The following SLC4A4 variants were observed in gnomAD, a reference collection of about 807,000 sequenced individuals.
The protein encoded by SLC4A4 is solute carrier family 4 member 4, also known as electrogenic sodium bicarbonate cotransporter 1.
A neutral mutation model predicts 111.5 loss-of-function variants in SLC4A4; 27 were observed. The ratio of observed to expected loss-of-function variants is 0.24; its 90% confidence interval spans 0.18 to 0.33. SLC4A4 has a LOEUF of 0.33. Among genes scored for constraint, SLC4A4 ranks in the 10% least tolerant of loss-of-function variants. SLC4A4 has a pLI of 1.00. For synonymous variants in SLC4A4, 443 were observed against 463.4 expected, an observed-to-expected ratio of 0.96 and a Z score of 0.57; for missense variants, 909 against 1,315.5, an observed-to-expected ratio of 0.69 and a Z score of 4.78.
intron 13 of SLC4A4, among the ~76,000 whole-genome samples, chr4:71,468,832 G>C (rs1382899663): frequency 6.6e-6 from 1 of 151,552 alleles, no homozygotes; most frequent in Admixed American, 6.6e-5. Context: ...GCATGCAAGT[G>C]ATCTGAAAAA....
At chr4:71,462,870 A>G (rs1296671828) in intron 12 of SLC4A4, among the ~76,000 whole-genome samples, 1 of 152,178 alleles carries the variant, frequency 6.6e-6, no homozygotes. Context: ...GCTTAAAGTC[A>G]TTGATCCAGG....
At chr4:71,145,647 G>T (rs867855131) in intron 2 of SLC4A4, among the ~76,000 whole-genome samples, 3 of 152,144 alleles carry the variant, frequency 2.0e-5, no homozygotes, top group Admixed American at 1.3e-4. Flanking sequence ...TGTATTCAGA[G>T]ATTCAACTTC....
intron 1 of SLC4A4, among the ~76,000 whole-genome samples, chr4:71,190,649 G>A (rs1317082608): frequency 1.3e-5 from 2 of 152,126 alleles, no homozygotes; most frequent in Non-Finnish European, 2.9e-5. Flanking sequence ...ATAGGAGTTC[G>A]AGGCTGTCAT....
chr4:71,495,446 A>G (rs1173887786), intron 15 of SLC4A4, among the ~76,000 whole-genome samples: 6 of 152,138 alleles, frequency 3.9e-5, no homozygotes, highest in Non-Finnish European at 7.4e-5. Flanking sequence ...AACCTCAAAA[A>G]CAAAATGAGA....
At chr4:71,332,657 C>T (rs1281766140) in intron 3 of SLC4A4, among the ~76,000 whole-genome samples, 2 of 152,040 alleles carry the variant, frequency 1.3e-5, no homozygotes, top group South Asian at 2.1e-4. Flanking sequence ...TGGTCTCGAT[C>T]TCCTGACCTC....
At chr4:71,378,208 T>A (rs1396314524) in intron 6 of SLC4A4, among the ~76,000 whole-genome samples, 1 of 152,196 alleles carries the variant, frequency 6.6e-6, no homozygotes, top group African/African-American at 2.4e-5. Context: ...AGAATGATTA[T>A]GCTACCATGT....
chr4:71,074,503 A>T (rs1182286155), intron 1 of SLC4A4, among the ~76,000 whole-genome samples: 1 of 152,232 alleles, frequency 6.6e-6, no homozygotes, highest in Non-Finnish European at 1.5e-5. Context: ...AATTAAACAC[A>T]GCAAGGTCTT....
At chr4:71,070,558 A>T (rs534541643) in intron 1 of SLC4A4, among the ~76,000 whole-genome samples, 91 of 152,348 alleles carry the variant, frequency 6.0e-4, no homozygotes, top group African/African-American at 2.1e-3. Flanking sequence ...GAACTAGAAC[A>T]TTTAAATAGC....
intron 2 of SLC4A4, among the ~76,000 whole-genome samples, chr4:71,155,602 A>G (rs1455758562): frequency 6.6e-6 from 1 of 151,998 alleles, no homozygotes; most frequent in Non-Finnish European, 1.5e-5. Context: ...AGCTGGGACT[A>G]CAGGTGCTGC....
At chr4:71,111,524 G>GTTTTTTTTTTTTTTTTTTTTTT (rs150777420) in intron 2 of SLC4A4, among the ~76,000 whole-genome samples, 1 of 60,784 alleles carries the variant, frequency 1.6e-5, no homozygotes, top group Non-Finnish European at 2.8e-5. Flanking sequence ...CCACGCTCAG[G>GTTTTTTTTTTTTTTTTTTTTTT]TTTTTTTTTT....
chr4:71,092,909 A>G (rs1742426794), intron 2 of SLC4A4, among the ~76,000 whole-genome samples: 1 of 152,102 alleles, frequency 6.6e-6, no homozygotes, highest in Admixed American at 6.5e-5. Context: ...ACCCTGGCCA[A>G]CATGGTGAAA....
chr4:71,084,628 C>T (rs1371027720), intron 1 of SLC4A4, among the ~76,000 whole-genome samples: 1 of 151,910 alleles, frequency 6.6e-6, no homozygotes, highest in Non-Finnish European at 1.5e-5. Flanking sequence ...TTGTTCAATT[C>T]CCACCTCTGA....
At chr4:71,474,221 C>A (rs1728141870) in intron 14 of SLC4A4, among the ~76,000 whole-genome samples, 1 of 151,542 alleles carries the variant, frequency 6.6e-6, no homozygotes, top group South Asian at 2.1e-4. Flanking sequence ...AGGTCTATGT[C>A]CCTTAAAATA....
At chr4:71,500,684 A>C (rs892977421) in intron 16 of SLC4A4, among the ~76,000 whole-genome samples, 60 of 152,140 alleles carry the variant, frequency 3.9e-4, no homozygotes, top group Admixed American at 3.5e-3. Context: ...ATTATTCTGC[A>C]TGTTGATATC....
chr4:71,267,753 C>T (rs962029783), intron 3 of SLC4A4, among the ~76,000 whole-genome samples: 1 of 117,598 alleles, frequency 8.5e-6, no homozygotes, highest in Non-Finnish European at 1.6e-5. Context: ...GAGATCATGG[C>T]ACTGCACTCC....
At chr4:71,241,709 T>A (rs1301519338) in intron 2 of SLC4A4, among the ~76,000 whole-genome samples, 1 of 152,192 alleles carries the variant, frequency 6.6e-6, no homozygotes, top group Non-Finnish European at 1.5e-5. Flanking sequence ...AAAAACAGTG[T>A]GTACAGAGGA....
chr4:71,095,484 C>A (rs145865925), intron 2 of SLC4A4, among the ~76,000 whole-genome samples: 79 of 152,318 alleles, frequency 5.2e-4, no homozygotes, highest in Non-Finnish European at 9.6e-4. Context: ...TAATTAGCTG[C>A]TTCCTGACAA....
At chr4:71,409,420 C>T (rs1424616413) in intron 7 of SLC4A4, among the ~76,000 whole-genome samples, 1 of 152,148 alleles carries the variant, frequency 6.6e-6, no homozygotes, top group African/African-American at 2.4e-5. Flanking sequence ...GGAACTGGAA[C>T]AAAGGTGACT....
chr4:71,394,863 G>A (rs1402806466), intron 6 of SLC4A4, among the ~76,000 whole-genome samples: 2 of 152,158 alleles, frequency 1.3e-5, no homozygotes, highest in Non-Finnish European at 2.9e-5. Context: ...TGATATGTGA[G>A]AGCTAAGCTA....
Sources: allele counts gnomAD v4.1 joint callset (sites outside exome capture counted in the v4.1 genomes callset), GRCh38; gene constraint gnomAD v4.1.1; transcripts MANE v1.5; gene names NCBI Gene and HGNC (gene_info 2026-07-23, HGNC 2026-07-21).